GBE1: variants seen among roughly 807,000 people sequenced by gnomAD.
GBE1 encodes 1,4-alpha-glucan branching enzyme 1.
A neutral mutation model predicts 88.8 loss-of-function variants in GBE1; 70 were observed. That is an observed-to-expected ratio of 0.79 (90% CI 0.65 to 0.96). The LOEUF is 0.96. Among genes scored for constraint, GBE1 ranks in the 40% least tolerant of loss-of-function variants. GBE1 has a pLI of 0.00. For synonymous variants in GBE1, 284 were observed against 300.1 expected (o/e 0.95, Z 0.56); for missense variants, 872 against 871.0 (o/e 1.00, Z -0.01).
chr3:81,569,441 C>CA (rs1313407014), intron 12 of GBE1, among the ~76,000 whole-genome samples: 1 of 152,174 alleles, frequency 6.6e-6, no homozygotes, highest in East Asian at 1.9e-4. Context: ...ATATGGCATT[C>CA]CACCAGTGAG....
intron 1 of GBE1, among the ~76,000 whole-genome samples, chr3:81,758,927 C>A (rs904916110): frequency 6.6e-6 from 1 of 152,148 alleles, no homozygotes; most frequent in African/African-American, 2.4e-5. Flanking sequence ...GTAACTGAAT[C>A]ATGGGGGCAG....
At chr3:81,505,378 GGA>G in intron 14 of GBE1, among the ~76,000 whole-genome samples, 1 of 152,312 alleles carries the variant, frequency 6.6e-6, no homozygotes, top group East Asian at 1.9e-4. Flanking sequence ...TGAAAAGCAA[GGA>G]GAGTTTCATG....
chr3:81,660,595 TA>T (rs1222036361), intron 3 of GBE1, among the ~76,000 whole-genome samples: 1 of 151,948 alleles, frequency 6.6e-6, no homozygotes, highest in Non-Finnish European at 1.5e-5. Flanking sequence ...GCTGACCATT[TA>T]AAAAAAATTA....
At chr3:81,647,373 C>A (rs555877530) in intron 5 of GBE1, among the ~76,000 whole-genome samples, 1 of 152,096 alleles carries the variant, frequency 6.6e-6, no homozygotes, top group African/African-American at 2.4e-5. Context: ...TACAAACACA[C>A]GTCACCTTCC....
In GBE1 at chr3:81,493,054, T is replaced by G. The variant is rs183421958; in HGVS notation, c.2053-2591A>C. ...GCTAGTCATAGTCTACATATTTCAT[T>G]TTGGGGATCACAGTAACTGGATTTA... On this transcript the variant is annotated intron_variant, in intron 15 of 15. Coordinates refer to ENST00000429644, the MANE Select transcript of GBE1 (RefSeq NM_000158.4). Among the ~76,000 whole-genome samples, 106 of 152,236 alleles carry G rather than the reference T, an allele frequency of 7.0e-4. 1 individual carries two copies. The East Asian group carries it at 0.017, about 25-fold the overall frequency.
chr3:81,541,990 A>G (rs976534528), intron 12 of GBE1, among the ~76,000 whole-genome samples: 4 of 152,082 alleles, frequency 2.6e-5, no homozygotes, highest in African/African-American at 9.7e-5. Flanking sequence ...ACAATTACAC[A>G]CACAGATGTT....
At chr3:81,692,366 A>G (rs1352797971) in intron 2 of GBE1, among the ~76,000 whole-genome samples, 2 of 152,168 alleles carry the variant, frequency 1.3e-5, no homozygotes, top group African/African-American at 4.8e-5. Context: ...TTCAACCTCA[A>G]TAACTTCATG....
chr3:81,530,458 A>G (rs535224426), intron 14 of GBE1, among the ~76,000 whole-genome samples: 1 of 152,028 alleles, frequency 6.6e-6, no homozygotes, highest in South Asian at 2.1e-4. Context: ...AGCCTTGTTT[A>G]TACTGATCCT....
chr3:81,647,165 C>T (rs973352720), intron 5 of GBE1, among the ~76,000 whole-genome samples: 3 of 151,996 alleles, frequency 2.0e-5, no homozygotes, highest in African/African-American at 7.3e-5. Flanking sequence ...ACCATGCTGG[C>T]CAGGCTGGTC....
intron 1 of GBE1, among the ~76,000 whole-genome samples, chr3:81,730,952 G>T (rs950751960): frequency 6.6e-6 from 1 of 152,092 alleles, no homozygotes; most frequent in African/African-American, 2.4e-5. Context: ...TTCAAGTAAG[G>T]TATAACCGGT....
intron 14 of GBE1, among the ~76,000 whole-genome samples, chr3:81,518,476 T>C (rs1702828059): frequency 1.3e-5 from 2 of 151,444 alleles, no homozygotes; most frequent in Admixed American, 1.3e-4. Flanking sequence ...GTTATAGCAG[T>C]TGCAATATTT....
chr3:81,512,645 C>T (rs1702740930), intron 14 of GBE1, among the ~76,000 whole-genome samples: 1 of 151,772 alleles, frequency 6.6e-6, no homozygotes, highest in Non-Finnish European at 1.5e-5. Context: ...TTTAGAGAAA[C>T]TAGATTTAAA....
intron 3 of GBE1, among the ~76,000 whole-genome samples, chr3:81,661,684 T>G (rs566818406): frequency 4.8e-4 from 73 of 152,328 alleles, no homozygotes; most frequent in Non-Finnish European, 9.6e-4. Flanking sequence ...TGTTCTTGAT[T>G]CAGATTTTGT....
chr3:81,538,735 A>AGT (rs1703106588), intron 12 of GBE1, among the ~76,000 whole-genome samples: 1 of 152,016 alleles, frequency 6.6e-6, no homozygotes, highest in African/African-American at 2.4e-5. Context: ...TCTGGGAACA[A>AGT]GTATATGTCC....
chr3:81,649,888 A>C lies in GBE1; in HGVS notation c.463T>G (p.Tyr155Asp), dbSNP rs764050407. 6.2e-7 allele frequency: 1 copy of C among 1,610,030 alleles called. No individual in the cohort carries two copies. The highest frequency in any genetic ancestry group is 8.5e-7 in the Non-Finnish European group (1 of 1,176,924). ...VITSKSGEIL[Y>D]RISPWAKYVV... The stretch of plus-strand genomic sequence containing the variant: ...TACTTTGCCCACGGTGAAATACGAT[A>C]CAAGATCTCTCCGCTTTTACTAGTA... Residue 155 changes from tyrosine (Y) to aspartate (D), a missense_variant, in exon 4 of 16, where the codon TAT becomes GAT. Coordinates refer to ENST00000429644, the MANE Select transcript of GBE1 (RefSeq NM_000158.4).
At chr3:81,537,148 CTAA>C (rs1414448165) in intron 12 of GBE1, 53 bp from the exon 13 acceptor site, 3 of 1,063,964 alleles carry the variant, frequency 2.8e-6, no homozygotes, top group Non-Finnish European at 3.8e-6. Context: ...GAATTTCTTA[CTAA>C]TAATAAATCA....
chr3:81,597,830 T>G (rs758523615), intron 7 of GBE1, among the ~76,000 whole-genome samples: 1 of 151,938 alleles, frequency 6.6e-6, no homozygotes, highest in Non-Finnish European at 1.5e-5. Context: ...AAAACAATCA[T>G]GATTCTAATT....
intron 7 of GBE1, chr3:81,612,808 C>A: frequency 2.3e-6 from 1 of 430,170 alleles, no homozygotes. Context: ...AGCTTCTTTA[C>A]CTGATTTGCT....
At chr3:81,511,886 T>C (rs921902710) in intron 14 of GBE1, among the ~76,000 whole-genome samples, 1 of 149,204 alleles carries the variant, frequency 6.7e-6, no homozygotes, top group East Asian at 2.0e-4. Context: ...AAAAAAGACA[T>C]ATGCACTTGT....
Sources: allele counts gnomAD v4.1 joint callset (sites outside exome capture counted in the v4.1 genomes callset), GRCh38; gene constraint gnomAD v4.1.1; transcripts MANE v1.5; gene names NCBI Gene and HGNC (gene_info 2026-07-23, HGNC 2026-07-21).